The following NDFIP2 variants were observed in gnomAD, a reference collection of about 807,000 sequenced individuals.
The protein encoded by NDFIP2 is NEDD4 family-interacting protein 2.
NDFIP2 carries 19 observed loss-of-function variants against 36.0 expected under a neutral mutation model. The ratio of observed to expected loss-of-function variants is 0.53; its 90% CI spans 0.37 to 0.77. The LOEUF (loss-of-function observed/expected upper bound fraction) is 0.77. Among genes scored for constraint, NDFIP2 ranks in the 30% least tolerant of loss-of-function variants. NDFIP2 has a pLI of 0.00. For synonymous variants in NDFIP2, 181 were observed against 167.7 expected, an observed-to-expected ratio of 1.08 and a Z score of -0.61; for missense variants, 446 against 435.8, an observed-to-expected ratio of 1.02 and a Z score of -0.21.
At chr13:79,525,436 T>C (rs938686706) in intron 2 of NDFIP2, among the ~76,000 whole-genome samples, 1 of 152,198 alleles carries the variant, frequency 6.6e-6, no homozygotes, top group Non-Finnish European at 1.5e-5. Context: ...TTTTTCTTTA[T>C]TAAGGCAAGA....
chr13:79,510,226 G>A (rs748036756), intron 1 of NDFIP2, among the ~76,000 whole-genome samples: 4 of 151,962 alleles, frequency 2.6e-5, no homozygotes, highest in Admixed American at 2.6e-4. Context: ...CAGAAGTCCT[G>A]TATATGAACA....
At chr13:79,516,901 A>G (rs957474812) in intron 1 of NDFIP2, among the ~76,000 whole-genome samples, 3 of 152,218 alleles carry the variant, frequency 2.0e-5, no homozygotes, top group African/African-American at 7.2e-5. Context: ...TTAATGTTTT[A>G]TCACCTTAAG....
In NDFIP2 at chr13:79,520,809, G is replaced by A; in HGVS notation, c.322-1G>A. On this transcript the variant is annotated splice_acceptor_variant, in intron 1 of 7. Transcript: ENST00000218652. LOFTEE classifies it high-confidence loss of function. ...GTTTTGTTTTTCTTTTGTTCTCTTA[G>A]CTTCTTAATGAAGAGGATAACTCAG... 6.3e-7 allele frequency: 1 copy of A among 1,597,228 alleles called. No individual in the cohort carries two copies. Among genetic ancestry groups the A allele is most frequent in the Non-Finnish European group, 8.5e-7 (1 of 1,170,918 alleles).
intron 2 of NDFIP2, among the ~76,000 whole-genome samples, chr13:79,524,518 A>G (rs1594852765): frequency 2.0e-5 from 3 of 152,334 alleles, no homozygotes; most frequent in African/African-American, 4.8e-5. Context: ...CAGATGATGC[A>G]CTGGTCAAGG....
intron 1 of NDFIP2, among the ~76,000 whole-genome samples, chr13:79,513,575 G>T (rs1874156945): frequency 6.6e-6 from 1 of 152,170 alleles, no homozygotes; most frequent in African/African-American, 2.4e-5. Context: ...TGGATTTTCA[G>T]AAGACTTTGA....
rs772088199 is a variant in NDFIP2 at position 79,544,309 on chromosome 13, AC to A, written c.840+632del. On this transcript the variant is annotated intron_variant, in intron 5 of 7. Coordinates refer to ENST00000218652, the MANE Select transcript of NDFIP2 (RefSeq NM_019080.3). ...TATTTTCCTGTTGTTCCCTGAAGTC[AC>A]CCCCTGCCTTCTTATAATTTACAAG... 4.6e-5 allele frequency among the ~76,000 whole-genome samples: 7 copies of A among 151,830 alleles called. No homozygotes were observed. In the East Asian group the frequency reaches 1.3e-3, roughly 29 times the overall value.
chr13:79,503,280 C>T (rs1015083878), intron 1 of NDFIP2, among the ~76,000 whole-genome samples: 1 of 152,088 alleles, frequency 6.6e-6, no homozygotes, highest in Admixed American at 6.6e-5. Context: ...CTGTGGCAGC[C>T]ACCTACATAG....
Position 79,543,588 on chromosome 13 carries a change from G to T in NDFIP2, c.746G>T (p.Cys249Phe). ...TTTATTTTCAACTGGCTTGGATTTT[G>T]TTTATCCTTCTGTATCACCAATACC... is the stretch of plus-strand genomic sequence containing the variant. The part of the protein sequence containing the change: ...MAFIFNWLGF[C>F]LSFCITNTIA... Residue 249 changes from cysteine (C) to phenylalanine (F), a missense_variant, in exon 5 of 8, where the codon TGT becomes TTT. Coordinates refer to ENST00000218652, the MANE Select transcript of NDFIP2 (RefSeq NM_019080.3). 1 of 1,613,822 alleles carries T rather than the reference G, an allele frequency of 6.2e-7. No individual in the cohort carries two copies. Among genetic ancestry groups the T allele is most frequent in the Non-Finnish European group, 8.5e-7 (1 of 1,179,840 alleles).
At chr13:79,546,779 G>A (rs912096144) in intron 5 of NDFIP2, among the ~76,000 whole-genome samples, 1 of 151,954 alleles carries the variant, frequency 6.6e-6, no homozygotes, top group Non-Finnish European at 1.5e-5. Flanking sequence ...CCTGTTACTG[G>A]GTAACACGCA....
At chr13:79,492,122 A>T (rs188479080) in intron 1 of NDFIP2, among the ~76,000 whole-genome samples, 258 of 152,354 alleles carry the variant, frequency 1.7e-3, no homozygotes, top group African/African-American at 5.9e-3. Context: ...TTTGAGAATA[A>T]GGGAGTGAAC....
intron 1 of NDFIP2, among the ~76,000 whole-genome samples, chr13:79,484,006 A>ATTAT (rs369259007): frequency 2.6e-5 from 4 of 151,844 alleles, no homozygotes; most frequent in Non-Finnish European, 4.4e-5. Context: ...TCGTTATTTT[A>ATTAT]TTATTTATTT....
intron 2 of NDFIP2, among the ~76,000 whole-genome samples, chr13:79,528,187 G>A (rs1874874267): frequency 6.6e-6 from 1 of 152,078 alleles, no homozygotes; most frequent in African/African-American, 2.4e-5. Flanking sequence ...TTGAGACTGG[G>A]AAGTTGAGGC....
At chr13:79,497,577 G>T (rs1391950267) in intron 1 of NDFIP2, among the ~76,000 whole-genome samples, 1 of 149,726 alleles carries the variant, frequency 6.7e-6, no homozygotes, top group African/African-American at 2.4e-5. Flanking sequence ...TTTGTCCTAA[G>T]TTCATAGTTG....
At chr13:79,543,975 C>A (rs902447711) in intron 5 of NDFIP2, among the ~76,000 whole-genome samples, 8 of 152,038 alleles carry the variant, frequency 5.3e-5, no homozygotes, top group African/African-American at 1.9e-4. Context: ...GCATTAGTTT[C>A]TTTATAATAG....
chr13:79,548,345 T>C lies in NDFIP2; in HGVS notation c.858T>C (p.Thr286=), dbSNP rs148785504. 3.0e-3 allele frequency: 4,810 copies of C among 1,589,680 alleles called. 11 individuals carry two copies. The highest frequency in any genetic ancestry group is 3.9e-3 in the Non-Finnish European group (4,535 of 1,165,220). Residue 286 remains threonine (T), a synonymous_variant, in exon 6 of 8, where the codon ACT becomes ACC. Transcript: ENST00000218652. ...CTCCATAGTTTTCTGATTATTTTAC[T>C]GGATATTTCAATGGACAGTATTGGC... The part of the protein sequence containing the change: ...ILIVRFSDYF[T]GYFNGQYWLW...
At chr13:79,492,688 A>G (rs1873280165) in intron 1 of NDFIP2, among the ~76,000 whole-genome samples, 1 of 152,116 alleles carries the variant, frequency 6.6e-6, no homozygotes, top group South Asian at 2.1e-4. Context: ...TCCTGGCCAC[A>G]CTTAAGGCCC....
intron 1 of NDFIP2, among the ~76,000 whole-genome samples, chr13:79,483,716 A>G (rs2079828317): frequency 6.6e-6 from 1 of 152,232 alleles, no homozygotes; most frequent in Non-Finnish European, 1.5e-5. Context: ...ACTTACTACC[A>G]TTAGCCAATG....
chr13:79,496,681 C>A (rs60622151), intron 1 of NDFIP2, among the ~76,000 whole-genome samples: 2 of 148,826 alleles, frequency 1.3e-5, no homozygotes, highest in Middle Eastern at 3.4e-3. Flanking sequence ...ATAAAAAAAA[C>A]TTTTAAAGGG....
intron 1 of NDFIP2, among the ~76,000 whole-genome samples, chr13:79,492,966 C>CTT (rs1449870345): frequency 6.6e-6 from 1 of 151,890 alleles, no homozygotes; most frequent in Non-Finnish European, 1.5e-5. Context: ...TTCAAAAAAC[C>CTT]TTTCCTTCCC....
Sources: allele counts gnomAD v4.1 joint callset (sites outside exome capture counted in the v4.1 genomes callset), GRCh38; gene constraint gnomAD v4.1.1; transcripts MANE v1.5; gene names NCBI Gene and HGNC (gene_info 2026-07-23, HGNC 2026-07-21).